The following ABCA12 variants were observed in gnomAD, a reference collection of about 807,000 sequenced individuals.
ABCA12 encodes the protein ATP binding cassette subfamily A member 12.
A neutral mutation model predicts 293.5 loss-of-function variants in ABCA12; 156 were observed. The observed-to-expected ratio is 0.53, with a 90% CI of 0.47 to 0.61. ABCA12 has a LOEUF of 0.61. Ranked by LOEUF, ABCA12 falls within the 20% of genes least tolerant of loss-of-function variation. The pLI is 0.00. For missense variants in ABCA12, 2,797 were observed against 3,090.2 expected (o/e 0.91, Z 2.25); for synonymous variants, 1,063 against 1,108.0 (o/e 0.96, Z 0.81).
intron 4 of ABCA12, among the ~76,000 whole-genome samples, chr2:215,053,668 A>C (rs1701362919): frequency 6.6e-6 from 1 of 151,920 alleles, no homozygotes; most frequent in African/African-American, 2.4e-5. Flanking sequence ...CTTGCATTGG[A>C]ATGTTATTGA....
At chr2:215,110,156 T>C (rs1011887476) in intron 2 of ABCA12, among the ~76,000 whole-genome samples, 6 of 152,180 alleles carry the variant, frequency 3.9e-5, no homozygotes, top group African/African-American at 1.2e-4. Context: ...GCTGTTTTTA[T>C]GAACAATCAA....
chr2:215,127,111 C>T (rs1702944001), intron 1 of ABCA12, among the ~76,000 whole-genome samples: 1 of 152,050 alleles, frequency 6.6e-6, no homozygotes, highest in Non-Finnish European at 1.5e-5. Context: ...GTGAAGGCTC[C>T]TTTTGGAGTT....
chr2:215,071,426 A>C (rs1701736888), intron 2 of ABCA12, among the ~76,000 whole-genome samples: 4 of 152,030 alleles, frequency 2.6e-5, no homozygotes, highest in African/African-American at 9.7e-5. Context: ...TAATAAACAA[A>C]CATAAACAAT....
Position 214,935,581 on chromosome 2 carries a change from C to T in ABCA12, c.7543-1366G>A, listed in dbSNP as rs551739090. On this transcript the variant is annotated intron_variant, in intron 51 of 52. Coordinates refer to ENST00000272895, the MANE Select transcript of ABCA12 (RefSeq NM_173076.3). ...GGAGACCAAGGCAGAAAGATTGCTT[C>T]GGGCCAGGAGTTCAAGACCAGCTTG... 5.8e-4 allele frequency among the ~76,000 whole-genome samples: 88 copies of T among 152,202 alleles called. 1 individual carries two copies. Among genetic ancestry groups the T allele is most frequent in the African/African-American group, 1.9e-3 (80 of 41,530 alleles).
At chr2:215,081,645 A>G (rs923878955) in intron 2 of ABCA12, among the ~76,000 whole-genome samples, 4 of 152,136 alleles carry the variant, frequency 2.6e-5, no homozygotes, top group Non-Finnish European at 5.9e-5. Context: ...TAAACATTGG[A>G]ATGCTCTGAT....
chr2:215,014,568 TATA>T, intron 15 of ABCA12, among the ~76,000 whole-genome samples: 1 of 152,122 alleles, frequency 6.6e-6, no homozygotes, highest in East Asian at 1.9e-4. Flanking sequence ...AGAAGGGTGA[TATA>T]ATGAGACTTT....
chr2:214,978,353 A>G lies in ABCA12; in HGVS notation c.5091T>C (p.Asp1697=). 1 of 1,614,084 alleles carries G rather than the reference A, an allele frequency of 6.2e-7. No homozygotes were observed. The highest frequency in any genetic ancestry group is 8.5e-7 in the Non-Finnish European group (1 of 1,179,972). The change falls in exon 33 of 53, where the codon GAT becomes GAC. Residue 1697 remains aspartate, a synonymous_variant. Coordinates refer to ENST00000272895, the MANE Select transcript of ABCA12 (RefSeq NM_173076.3). The part of the protein sequence containing the change: ...SNANGISTPD[D]LSVSSSNFTD... ...TGAAATTGCTGCTGCTCACAGATAA[A>G]TCGTCAGGAGTTGAGATGCCATTGG...
intron 1 of ABCA12, among the ~76,000 whole-genome samples, chr2:215,121,356 T>C (rs1285034251): frequency 1.3e-5 from 2 of 152,240 alleles, no homozygotes; most frequent in Non-Finnish European, 2.9e-5. Context: ...AACCTAGAAC[T>C]TTTTATTGCA....
At chr2:215,032,084 A>G (rs1700890912) in intron 8 of ABCA12, 188 bp from the exon 9 acceptor site, 7 of 1,456,178 alleles carry the variant, frequency 4.8e-6, no homozygotes, top group Non-Finnish European at 6.3e-6. Context: ...ATTTATAGGA[A>G]ATAGATGCCT....
At chr2:215,065,701 G>A (rs1701628278) in intron 2 of ABCA12, among the ~76,000 whole-genome samples, 1 of 151,974 alleles carries the variant, frequency 6.6e-6, no homozygotes, top group African/African-American at 2.4e-5. Context: ...GGTCCAGAAG[G>A]AATGCAGCCC....
intron 4 of ABCA12, among the ~76,000 whole-genome samples, chr2:215,053,186 T>C (rs961423701): frequency 5.3e-5 from 8 of 152,114 alleles, no homozygotes; most frequent in African/African-American, 1.9e-4. Flanking sequence ...TATTTATTTA[T>C]GATGTGGCAG....
At chr2:215,050,650 C>G (rs1221883840) in intron 5 of ABCA12, 2 of 331,852 alleles carry the variant, frequency 6.0e-6, no homozygotes, top group Non-Finnish European at 8.6e-6. Context: ...GTGTGTATTA[C>G]AAAACCTACA....
intron 27 of ABCA12, among the ~76,000 whole-genome samples, 176 bp from the exon 28 acceptor site, chr2:214,986,904 T>C (rs1699800212): frequency 6.6e-6 from 1 of 152,204 alleles, no homozygotes; most frequent in African/African-American, 2.4e-5. Context: ...GGTTGCAGAA[T>C]GAATAAGAGT....
In ABCA12 at chr2:215,083,132, C is replaced by T. The variant is rs574960263; in HGVS notation, c.164-18913G>A. ...TGGCTATGTAACAGGCATTTCCATA[C>T]AGCAGTGGTTCTCTGGAGATGAGTA... On this transcript the variant is annotated intron_variant, in intron 2 of 52. Transcript: ENST00000272895. Among the ~76,000 whole-genome samples, 22 of 152,302 alleles carry T rather than the reference C, an allele frequency of 1.4e-4. No homozygotes were observed. In the South Asian group the frequency reaches 3.9e-3, roughly 27 times the overall value.
At chr2:214,944,096 A>C (rs182671507) in intron 49 of ABCA12, among the ~76,000 whole-genome samples, 15 of 152,230 alleles carry the variant, frequency 9.9e-5, no homozygotes, top group African/African-American at 2.4e-4. Flanking sequence ...TGGTAAGATT[A>C]GAAGTTGGAG....
At chr2:215,082,110 T>C (rs529351600) in intron 2 of ABCA12, among the ~76,000 whole-genome samples, 13 of 142,612 alleles carry the variant, frequency 9.1e-5, no homozygotes, top group African/African-American at 3.1e-4. Flanking sequence ...AGTGGCACGA[T>C]CTCGGCTCAC....
chr2:215,113,464 T>C (rs193098126), intron 1 of ABCA12, among the ~76,000 whole-genome samples: 1 of 152,288 alleles, frequency 6.6e-6, no homozygotes, highest in African/African-American at 2.4e-5. Context: ...AACATACAGA[T>C]TATGGTTCAG....
chr2:215,035,513 CA>C (rs1398774884), intron 8 of ABCA12, among the ~76,000 whole-genome samples: 2 of 151,492 alleles, frequency 1.3e-5, no homozygotes, highest in African/African-American at 4.9e-5. Flanking sequence ...ACTAAAAATA[CA>C]AAAAAGTAGC....
At chr2:214,989,487 A>G (rs1699866850) in intron 25 of ABCA12, 24 bp from the exon 26 acceptor site, 1 of 1,613,802 alleles carries the variant, frequency 6.2e-7, no homozygotes. Flanking sequence ...ACAAGTGTTT[A>G]TTCTTCTGTG....
Sources: gnomAD v4.1 joint callset for allele counts (sites outside exome capture counted in the v4.1 genomes callset) on GRCh38, gnomAD v4.1.1 for gene constraint, MANE v1.5 for transcripts, NCBI Gene and HGNC (gene_info 2026-07-23, HGNC 2026-07-21) for gene names.